ERC2: variants seen among roughly 807,000 people sequenced by gnomAD.
The protein encoded by ERC2 is ELKS/RAB6-interacting/CAST family member 2, also known as ERC protein 2.
A neutral mutation model predicts 114.8 loss-of-function variants in ERC2; 42 were observed. The ratio of observed to expected loss-of-function variants is 0.37; its 90% confidence interval spans 0.29 to 0.47. ERC2 has a LOEUF of 0.47. ERC2 is among the 20% of genes least tolerant of loss of function. The pLI is 0.99. For missense variants in ERC2, 939 were observed against 1,150.7 expected, an observed-to-expected ratio of 0.82 and a Z score of 2.66; for synonymous variants, 454 against 425.5, an observed-to-expected ratio of 1.07 and a Z score of -0.82.
intron 17 of ERC2, among the ~76,000 whole-genome samples, chr3:55,642,682 A>G (rs900074945): frequency 1.3e-5 from 2 of 152,218 alleles, no homozygotes; most frequent in East Asian, 3.9e-4. Flanking sequence ...TGCTCTCTCC[A>G]CATAATGATA....
chr3:56,165,971 A>G (rs928864531), intron 4 of ERC2, among the ~76,000 whole-genome samples: 1 of 151,832 alleles, frequency 6.6e-6, no homozygotes, highest in Non-Finnish European at 1.5e-5. Flanking sequence ...CTTATTCCTT[A>G]TATCATAGAG....
chr3:56,398,716 G>A (rs2060409144), intron 2 of ERC2, among the ~76,000 whole-genome samples: 1 of 152,060 alleles, frequency 6.6e-6, no homozygotes, highest in Admixed American at 6.6e-5. Context: ...TAACTCCTGT[G>A]CTCAAGCAAT....
rs76368787 is a variant in ERC2, at chr3:55,862,803, A to G, written c.2564+25586T>C. Among the ~76,000 whole-genome samples, 578 of 152,320 alleles carry G rather than the reference A, an allele frequency of 3.8e-3. 4 individuals carry two copies. The highest frequency in any genetic ancestry group is 0.013 in the African/African-American group (544 of 41,572). Reference sequence around the variant, plus strand: ...GACCCACCACATGCAGCAGGATCACACAACACAATGACTGAATTATGGTTT... The same window carrying G: ...GACCCACCACATGCAGCAGGATCACGCAACACAATGACTGAATTATGGTTT... On this transcript the variant is annotated intron_variant, in intron 14 of 17. Transcript: ENST00000288221.
chr3:56,414,822 C>T (rs917610988), intron 2 of ERC2, among the ~76,000 whole-genome samples: 1 of 152,118 alleles, frequency 6.6e-6, no homozygotes, highest in Admixed American at 6.5e-5. Context: ...AGAGTTTTCA[C>T]TCAGGACTCT....
At chr3:55,783,318 T>C (rs2069212950) in intron 14 of ERC2, among the ~76,000 whole-genome samples, 1 of 152,148 alleles carries the variant, frequency 6.6e-6, no homozygotes, top group South Asian at 2.1e-4. Context: ...AGTTTCTCCA[T>C]TAATAAAAAG....
At chr3:55,924,132 C>T (rs1405733925) in intron 13 of ERC2, among the ~76,000 whole-genome samples, 1 of 151,982 alleles carries the variant, frequency 6.6e-6, no homozygotes, top group Non-Finnish European at 1.5e-5. Flanking sequence ...TTGGATCAAA[C>T]AACACAAAAA....
chr3:56,018,089 G>T (rs2073432275), intron 8 of ERC2, among the ~76,000 whole-genome samples: 1 of 152,168 alleles, frequency 6.6e-6, no homozygotes, highest in Non-Finnish European at 1.5e-5. Flanking sequence ...GGATACCTAG[G>T]AGGTGTCCCC....
At chr3:56,205,593 A>G (rs2048677658) in intron 3 of ERC2, among the ~76,000 whole-genome samples, 2 of 152,234 alleles carry the variant, frequency 1.3e-5, no homozygotes, top group Admixed American at 6.5e-5. Context: ...CAAACTATTT[A>G]AAGGCATTAA....
At chr3:55,805,040 G>GAGCTAT (rs1378970877) in intron 14 of ERC2, among the ~76,000 whole-genome samples, 1 of 151,858 alleles carries the variant, frequency 6.6e-6, no homozygotes, top group African/African-American at 2.4e-5. Context: ...CTTCAAACAG[G>GAGCTAT]AGCTATATTT....
At chr3:55,864,290 TTATATA>T (rs1012082787) in intron 14 of ERC2, among the ~76,000 whole-genome samples, 10 of 149,788 alleles carry the variant, frequency 6.7e-5, no homozygotes, top group Non-Finnish European at 1.2e-4. Context: ...TATATGTATA[TTATATA>T]TATATAATAG....
chr3:55,934,629 C>T (rs992725918), intron 13 of ERC2, among the ~76,000 whole-genome samples: 1 of 152,084 alleles, frequency 6.6e-6, no homozygotes, highest in Non-Finnish European at 1.5e-5. Flanking sequence ...CATGCAGCCT[C>T]CCTTCTGAAA....
intron 10 of ERC2, among the ~76,000 whole-genome samples, chr3:55,994,135 G>A (rs779354208): frequency 6.6e-6 from 1 of 152,084 alleles, no homozygotes; most frequent in African/African-American, 2.4e-5. Flanking sequence ...TTTTACAGCA[G>A]TTAAAAACCT....
intron 3 of ERC2, among the ~76,000 whole-genome samples, chr3:56,225,479 G>A (rs575451387): frequency 6.6e-6 from 1 of 152,234 alleles, no homozygotes; most frequent in Non-Finnish European, 1.5e-5. Context: ...ATAAGTGACT[G>A]CTTCTTATTT....
At chr3:55,616,696 A>G (rs2059134160) in intron 17 of ERC2, among the ~76,000 whole-genome samples, 1 of 151,834 alleles carries the variant, frequency 6.6e-6, no homozygotes, top group South Asian at 2.1e-4. Flanking sequence ...TAGTCTCTCA[A>G]CAAACTAGCA....
chr3:55,863,781 T>C (rs1048792750), intron 14 of ERC2, among the ~76,000 whole-genome samples: 10 of 152,136 alleles, frequency 6.6e-5, no homozygotes, highest in Admixed American at 1.3e-4. Flanking sequence ...ATGTAATTAA[T>C]ATATAAATTA....
At chr3:56,272,882 T>G (rs1426379546) in intron 3 of ERC2, among the ~76,000 whole-genome samples, 2 of 152,226 alleles carry the variant, frequency 1.3e-5, no homozygotes, top group Admixed American at 6.5e-5. Context: ...TGCTACGTTA[T>G]GGGAACAGCC....
At chr3:55,802,947 A>G (rs9873351) in intron 14 of ERC2, among the ~76,000 whole-genome samples, 4,686 of 152,294 alleles carry the variant, frequency 0.031, 236 homozygotes, top group African/African-American at 0.11. Flanking sequence ...TATACGGTGT[A>G]GTTAGCTATT....
chr3:56,219,153 TA>T (rs1045680995), intron 3 of ERC2, among the ~76,000 whole-genome samples: 33 of 151,818 alleles, frequency 2.2e-4, no homozygotes, highest in African/African-American at 8.0e-4. Context: ...AATAAAATTG[TA>T]AAAAAAGACT....
chr3:55,706,050 A>C (rs566974465), intron 15 of ERC2, among the ~76,000 whole-genome samples: 3 of 152,018 alleles, frequency 2.0e-5, no homozygotes, highest in Admixed American at 2.0e-4. Flanking sequence ...ACACTTGGCC[A>C]GGGAATGGGG....
Sources: allele counts gnomAD v4.1 joint callset (sites outside exome capture counted in the v4.1 genomes callset), GRCh38; gene constraint gnomAD v4.1.1; transcripts MANE v1.5; gene names NCBI Gene and HGNC (gene_info 2026-07-23, HGNC 2026-07-21).